Variants in CCNB1IP1 observed in about 807,000 individuals in gnomAD.
CCNB1IP1 encodes cyclin B1 interacting protein 1, also known as E3 ubiquitin-protein ligase CCNB1IP1.
A neutral mutation model predicts 25.6 loss-of-function variants in CCNB1IP1; 14 were observed. That is an observed-to-expected ratio of 0.55 (90% CI 0.36 to 0.85). The LOEUF is 0.85. Among genes scored for constraint, CCNB1IP1 ranks in the 40% least tolerant of loss-of-function variants. The pLI, the probability that CCNB1IP1 is intolerant of heterozygous loss-of-function variation, is 0.01. For missense variants in CCNB1IP1, 278 were observed against 342.4 expected, an observed-to-expected ratio of 0.81 and a Z score of 1.48; for synonymous variants, 119 against 116.1, an observed-to-expected ratio of 1.02 and a Z score of -0.16.
chr14:20,323,575 CAA>C (rs796446195), intron 4 of CCNB1IP1, among the ~76,000 whole-genome samples: 3 of 128,736 alleles, frequency 2.3e-5, no homozygotes, highest in Non-Finnish European at 3.3e-5. Context: ...GTCCCTGTCT[CAA>C]AAAAAAAAAA....
intron 1 of CCNB1IP1, among the ~76,000 whole-genome samples, chr14:20,331,620 C>T (rs1422028091): frequency 2.6e-5 from 4 of 151,974 alleles, no homozygotes; most frequent in African/African-American, 9.7e-5. Flanking sequence ...TATCTGAATA[C>T]CTACTGATAA....
intron 5 of CCNB1IP1, chr14:20,314,233 A>C (rs1424364956): frequency 1.3e-5 from 2 of 154,656 alleles, no homozygotes; most frequent in Non-Finnish European, 2.9e-5. Context: ...TGTGACTAGA[A>C]TACTACAGAA....
At chr14:20,324,181 A>G (rs960734539) in intron 4 of CCNB1IP1, among the ~76,000 whole-genome samples, 7 of 152,122 alleles carry the variant, frequency 4.6e-5, no homozygotes, top group African/African-American at 1.7e-4. Context: ...AGCAATAAAA[A>G]CAAAGAATTT....
At chr14:20,321,788 T>C (rs2138859651) in intron 4 of CCNB1IP1, among the ~76,000 whole-genome samples, 1 of 152,332 alleles carries the variant, frequency 6.6e-6, no homozygotes, top group African/African-American at 2.4e-5. Flanking sequence ...ACACAAGTTA[T>C]TACAGTTGCA....
chr14:20,332,026 A>ATTTTT (rs57345952), intron 1 of CCNB1IP1, among the ~76,000 whole-genome samples: 15 of 40,734 alleles, frequency 3.7e-4, no homozygotes, highest in East Asian at 8.6e-4. Context: ...ATATATATAT[A>ATTTTT]TTTTTTTTTT....
chr14:20,317,808 A>T (rs1439859154), intron 4 of CCNB1IP1: 1 of 152,264 alleles, frequency 6.6e-6, no homozygotes, highest in East Asian at 1.9e-4. Context: ...AGGCTGAAAG[A>T]AAAAGCGCGG....
At chr14:20,313,381 G>A (rs558171557) in intron 6 of CCNB1IP1, 87 bp downstream of exon 6, 16 of 1,064,638 alleles carry the variant, frequency 1.5e-5, no homozygotes, top group Middle Eastern at 3.2e-4. Flanking sequence ...TATCCTTATC[G>A]TCTCGACTGA....
rs1032697519 is a variant in CCNB1IP1, at chr14:20,326,796, G to A, written c.-230-3C>T. 4 of 248,306 alleles carry A rather than the reference G, an allele frequency of 1.6e-5. No individual in the cohort carries two copies. The highest frequency in any genetic ancestry group is 6.8e-5 in the African/African-American group (3 of 44,232). The allele number at this position is 248,306 out of a possible 1,614,324, so 15.4% of individuals were successfully genotyped here. A position where few individuals can be genotyped will look rare whatever the true frequency, so the allele number is the denominator to read the frequency against. ...CTATCAATTATCTAGGATCATTTCT[G>A]GAAAATTTAAAAAACATAAATAAAT... On this transcript the variant is annotated splice_polypyrimidine_tract_variant and splice_region_variant and intron_variant, in intron 2 of 6. Coordinates refer to ENST00000358932, the MANE Select transcript of CCNB1IP1 (RefSeq NM_021178.5).
At chr14:20,329,045 T>C (rs1193652529) in intron 2 of CCNB1IP1, 129 bp downstream of exon 2, 1 of 152,198 alleles carries the variant, frequency 6.6e-6, no homozygotes, top group Admixed American at 6.5e-5. Context: ...CAGCAGATAC[T>C]CGTGTTAAGA....
At chr14:20,312,072 C>CTT (rs1168574880) in intron 6 of CCNB1IP1, among the ~76,000 whole-genome samples, 9 of 152,098 alleles carry the variant, frequency 5.9e-5, no homozygotes, top group Admixed American at 3.9e-4. Context: ...CCTTCCTTGG[C>CTT]TTTTACAGGT....
Position 20,313,688 on chromosome 14 carries a change from G to A in CCNB1IP1, c.411C>T (p.Thr137=), listed in dbSNP as rs1021892128. The change falls in exon 6 of 7, where the codon ACC becomes ACT. Residue 137 remains threonine (T), a synonymous_variant. Transcript: ENST00000358932. ...QQIQSKDVEL[T]SMKGEVTSMK... ...TGGAGGTAACCTCCCCTTTCATAGA[G>A]GTCAATTCTACATCCTTGCTTTGTA... The A allele has an allele frequency of 6.2e-7, 1 of 1,614,092 alleles. No homozygotes were observed. Among genetic ancestry groups the A allele is most frequent in the Admixed American group, 1.7e-5 (1 of 60,020 alleles).
intron 4 of CCNB1IP1, among the ~76,000 whole-genome samples, chr14:20,317,087 G>A (rs1159894033): frequency 6.6e-6 from 1 of 151,522 alleles, no homozygotes; most frequent in Non-Finnish European, 1.5e-5. Context: ...CCAGCCTGGG[G>A]GACAGAGCAA....
intron 2 of CCNB1IP1, among the ~76,000 whole-genome samples, chr14:20,328,404 T>C (rs1883140910): frequency 6.6e-6 from 1 of 152,204 alleles, no homozygotes; most frequent in Non-Finnish European, 1.5e-5. Flanking sequence ...AAAATGTTAT[T>C]TTACTCCTTC....
At chr14:20,330,066 A>T (rs1883186911) in intron 1 of CCNB1IP1, among the ~76,000 whole-genome samples, 1 of 151,710 alleles carries the variant, frequency 6.6e-6, no homozygotes, top group Non-Finnish European at 1.5e-5. Flanking sequence ...TAGAAAGGCA[A>T]ATATTCTGCC....
At chr14:20,317,428 C>A (rs1043829613) in intron 4 of CCNB1IP1, among the ~76,000 whole-genome samples, 8 of 152,100 alleles carry the variant, frequency 5.3e-5, no homozygotes, top group African/African-American at 1.9e-4. Context: ...TGCCTTGGCC[C>A]TCCAGGTCGA....
intron 2 of CCNB1IP1, among the ~76,000 whole-genome samples, chr14:20,327,208 T>C (rs1156943881): frequency 6.6e-6 from 1 of 152,104 alleles, no homozygotes; most frequent in Non-Finnish European, 1.5e-5. Context: ...TGAAAGGCTA[T>C]AAAGGTCAAC....
rs766670075 is a variant in CCNB1IP1, at chr14:20,316,336, C to A, written c.188G>T (p.Arg63Leu). 1.2e-6 allele frequency: 2 copies of A among 1,613,938 alleles called. No individual in the cohort carries two copies. Residue 63 changes from arginine (R) to leucine (L), a missense_variant, in exon 5 of 7, where the codon CGC becomes CTC. Transcript: ENST00000358932. ...STLSGKLDIV[R>L]TELSPSEEYK... ...TTCCTCTGATGGACTGAGTTCTGTG[C>A]GGACAATATCTAGCTTTCCAGAAAG...
chr14:20,325,879 C>G (rs1883059975), intron 3 of CCNB1IP1, among the ~76,000 whole-genome samples: 1 of 151,962 alleles, frequency 6.6e-6, no homozygotes, highest in African/African-American at 2.4e-5. Flanking sequence ...TAAAAGATTA[C>G]TTGTAGAACC....
At chr14:20,318,704 G>C (rs1882797428) in intron 4 of CCNB1IP1, among the ~76,000 whole-genome samples, 1 of 152,112 alleles carries the variant, frequency 6.6e-6, no homozygotes, top group African/African-American at 2.4e-5. Flanking sequence ...TTAGAATTCA[G>C]ATTAAAAATT....
Sources: allele counts gnomAD v4.1 joint callset (sites outside exome capture counted in the v4.1 genomes callset), GRCh38; gene constraint gnomAD v4.1.1; transcripts MANE v1.5; gene names NCBI Gene and HGNC (gene_info 2026-07-23, HGNC 2026-07-21).